Variants in NFATC1 observed in about 807,000 individuals in gnomAD.
NFATC1 encodes nuclear factor of activated T cells 1, also known as nuclear factor of activated T-cells, cytoplasmic 1.
A neutral mutation model predicts 76.0 loss-of-function variants in NFATC1; 22 were observed. That is an observed-to-expected ratio of 0.29 (90% confidence interval 0.21 to 0.41). The LOEUF (loss-of-function observed/expected upper bound fraction) is 0.41, where lower values mean the gene tolerates loss of function less well. NFATC1 is among the 10% of genes least tolerant of loss of function. NFATC1 has a pLI of 1.00. For missense variants in NFATC1, 1,357 were observed against 1,337.7 expected (o/e 1.01, Z -0.23); for synonymous variants, 704 against 613.1 (o/e 1.15, Z -2.19).
At chr18:79,504,139 C>G (rs1050862468) in intron 9 of NFATC1, among the ~76,000 whole-genome samples, 1 of 152,036 alleles carries the variant, frequency 6.6e-6, no homozygotes, top group African/African-American at 2.4e-5. Context: ...TTCACTAGGG[C>G]AGCGGTTTTC....
chr18:79,444,397 T>C (rs59828426), intron 3 of NFATC1, among the ~76,000 whole-genome samples: 34,717 of 151,824 alleles, frequency 0.23, 4,520 homozygotes, highest in African/African-American at 0.36. Flanking sequence ...GGACAAGAGG[T>C]GTGCGGCGTC....
Position 79,486,045 on chromosome 18 carries a change from C to G in NFATC1, c.2093-203C>G, listed in dbSNP as rs75109378. Among the ~76,000 whole-genome samples, 20 of 152,046 alleles carry G rather than the reference C, an allele frequency of 1.3e-4. No individual in the cohort carries two copies. The East Asian group carries it at 3.9e-3, about 29-fold the overall frequency. ...GCAGGAGGTTCCAAGGAAAACAGTC[C>G]TCGCCAGTATTAGAACCAGCTGCTA... On this transcript the variant is annotated intron_variant, in intron 8 of 9. Coordinates refer to ENST00000427363, the MANE Select transcript of NFATC1 (RefSeq NM_001278669.2).
chr18:79,480,288 G>C (rs1284121407), intron 8 of NFATC1, among the ~76,000 whole-genome samples: 1 of 152,202 alleles, frequency 6.6e-6, no homozygotes, highest in Non-Finnish European at 1.5e-5. Context: ...CTGTGGACTG[G>C]AGCCCCAGGC....
At chr18:79,421,120 C>G (rs922775122) in intron 2 of NFATC1, 5 of 152,298 alleles carry the variant, frequency 3.3e-5, no homozygotes, top group Non-Finnish European at 7.3e-5. Flanking sequence ...AGCCCACACA[C>G]ACTTCTACGC....
intron 9 of NFATC1, among the ~76,000 whole-genome samples, chr18:79,508,958 G>T (rs2145165006): frequency 6.6e-6 from 1 of 152,098 alleles, no homozygotes; most frequent in East Asian, 1.9e-4. Flanking sequence ...GTGATGTCTG[G>T]TTCTTTTCAG....
At chr18:79,400,472 C>A in intron 1 of NFATC1, 1 of 1,486,158 alleles carries the variant, frequency 6.7e-7, no homozygotes, top group Non-Finnish European at 8.9e-7. Context: ...CCGCCGCGGC[C>A]GCCCCAGGTG....
chr18:79,520,877 G>GGT (rs1212231877), intron 9 of NFATC1, among the ~76,000 whole-genome samples: 6 of 107,434 alleles, frequency 5.6e-5, no homozygotes, highest in African/African-American at 2.2e-4. Flanking sequence ...GGCATCCACT[G>GGT]GTGTGTGTGT....
intron 9 of NFATC1, among the ~76,000 whole-genome samples, chr18:79,505,536 G>A (rs1437916310): frequency 5.0e-5 from 3 of 59,538 alleles, no homozygotes; most frequent in Admixed American, 1.4e-4. Flanking sequence ...GGTGCTGGAG[G>A]CCCTTGGGTG....
intron 8 of NFATC1, among the ~76,000 whole-genome samples, chr18:79,477,881 G>A (rs568778406): frequency 6.6e-6 from 1 of 152,302 alleles, no homozygotes; most frequent in South Asian, 2.1e-4. Flanking sequence ...CTCCCTGTGG[G>A]ACGGCAGTCC....
chr18:79,514,400 T>A (rs1297509764), intron 9 of NFATC1, among the ~76,000 whole-genome samples: 1 of 149,764 alleles, frequency 6.7e-6, no homozygotes, highest in Non-Finnish European at 1.5e-5. Context: ...CATGGTGAAA[T>A]CCCACCTCTA....
chr18:79,449,290 G>A lies in NFATC1; in HGVS notation c.1589+306G>A, dbSNP rs151229637. On this transcript the variant is annotated intron_variant, in intron 4 of 9. Coordinates refer to ENST00000427363, the MANE Select transcript of NFATC1 (RefSeq NM_001278669.2). ...TTCCGAATACAGCAGTGTAATGAGA[G>A]GATGGTTAAAACGTGAGCATCAAAA... Among the ~76,000 whole-genome samples, 7 of 152,312 alleles carry A rather than the reference G, an allele frequency of 4.6e-5. No individual in the cohort carries two copies. In the East Asian group the frequency reaches 1.3e-3, roughly 29 times the overall value.
In NFATC1 at chr18:79,486,767, C is replaced by T; in HGVS notation, c.2612C>T (p.Ala871Val). The T allele has an allele frequency of 1.2e-6, 2 of 1,606,806 alleles. No individual in the cohort carries two copies. Among genetic ancestry groups the T allele is most frequent in the Non-Finnish European group, 1.7e-6 (2 of 1,177,598 alleles). ...CCCTGCAGCCCAGCGTGCCCGCCCG[C>T]CACGGGCCGCCCGCAGCACCTGCCG... The part of the protein sequence containing the change: ...LQPCSPACPP[A>V]TGRPQHLPST... Residue 871 changes from alanine (A) to valine (V), a missense_variant, in exon 9 of 10, where the codon GCC becomes GTC. By Grantham distance (64) the Ala-to-Val change is moderately conservative. Transcript: ENST00000427363.
chr18:79,455,310 G>A (rs1348759365), intron 6 of NFATC1, among the ~76,000 whole-genome samples: 1 of 152,238 alleles, frequency 6.6e-6, no homozygotes, highest in Non-Finnish European at 1.5e-5. Context: ...AGCGGGTGGG[G>A]CTGCACGGGT....
intron 9 of NFATC1, among the ~76,000 whole-genome samples, chr18:79,517,154 T>C (rs1362925585): frequency 6.6e-6 from 1 of 152,248 alleles, no homozygotes; most frequent in Non-Finnish European, 1.5e-5. Flanking sequence ...AAGTTAGTTA[T>C]TTAAGAATAG....
At chr18:79,440,052 A>G (rs1403831108) in intron 3 of NFATC1, among the ~76,000 whole-genome samples, 1 of 152,154 alleles carries the variant, frequency 6.6e-6, no homozygotes, top group African/African-American at 2.4e-5. Context: ...CTGCCTGGAA[A>G]AACTGGCAAA....
chr18:79,518,055 G>A lies in NFATC1; in HGVS notation c.2783-9473G>A, dbSNP rs536401704. Among the ~76,000 whole-genome samples, 18 of 152,316 alleles carry A rather than the reference G, an allele frequency of 1.2e-4. No individual in the cohort carries two copies. The East Asian group carries it at 2.3e-3, about 20-fold the overall frequency. On this transcript the variant is annotated intron_variant, in intron 9 of 9. Transcript: ENST00000427363. ...TGCCTCTCCCGGCTCTTCACTGCAC[G>A]CAGCCTGAGGGCGTCGTTGTCTGTG...
chr18:79,527,535 A>G lies in NFATC1; in HGVS notation c.2790A>G (p.Glu930=). 1 of 1,613,860 alleles carries G rather than the reference A, an allele frequency of 6.2e-7. No individual in the cohort carries two copies. Among genetic ancestry groups the G allele is most frequent in the South Asian group, 1.1e-5 (1 of 91,086 alleles). ...ATTTTTCTTTTCTTACAGTAAATGA[A>G]ATAATACGAAATGACCTCTCCAGCA... is the stretch of plus-strand genomic sequence containing the variant. ...LDQLYLDDVN[E]IIRNDLSSTS... The change falls in exon 10 of 10, where the codon GAA becomes GAG. Residue 930 remains glutamate, a synonymous_variant. Transcript: ENST00000427363.
chr18:79,429,474 G>A (rs901631620), intron 2 of NFATC1, among the ~76,000 whole-genome samples: 42 of 152,046 alleles, frequency 2.8e-4, no homozygotes, highest in African/African-American at 8.5e-4. Flanking sequence ...CCTGAGCTTA[G>A]GGCTTCAGCA....
intron 9 of NFATC1, among the ~76,000 whole-genome samples, chr18:79,489,820 C>G (rs2089624953): frequency 6.6e-6 from 1 of 152,238 alleles, no homozygotes; most frequent in African/African-American, 2.4e-5. Flanking sequence ...TTTATGGGTC[C>G]TGTGTGCTTC....
Sources: allele counts gnomAD v4.1 joint callset (sites outside exome capture counted in the v4.1 genomes callset), GRCh38; gene constraint gnomAD v4.1.1; transcripts MANE v1.5; gene names NCBI Gene and HGNC (gene_info 2026-07-23, HGNC 2026-07-21).